The following TFCP2 variants were observed in gnomAD, a reference collection of about 807,000 sequenced individuals.
TFCP2 encodes transcription factor CP2.
In TFCP2, 33 loss-of-function variants were observed where a neutral mutation model predicts 73.4. The ratio of observed to expected loss-of-function variants is 0.45; its 90% confidence interval spans 0.34 to 0.60. The LOEUF is 0.60. Among genes scored for constraint, TFCP2 ranks in the 20% least tolerant of loss-of-function variants. The pLI is 0.01. For missense variants in TFCP2, 352 were observed against 604.0 expected (o/e 0.58, Z 4.37); for synonymous variants, 193 against 211.6 (o/e 0.91, Z 0.76).
In TFCP2 at chr12:51,149,799, C is replaced by T. The variant is rs560064898; in HGVS notation, c.122+22502G>A. Among the ~76,000 whole-genome samples, 4 of 152,184 alleles carry T rather than the reference C, an allele frequency of 2.6e-5. No homozygotes were observed. The East Asian group carries it at 5.8e-4, about 22-fold the overall frequency. On this transcript the variant is annotated intron_variant, in intron 1 of 14. Transcript: ENST00000257915. ...CATTTTTAGTAGAGACGGGGTTTCG[C>T]CATGTTGGCCAGGCTGGTCTAGAAC...
rs918223631 is a variant in TFCP2, at chr12:51,094,011, A to C, written c.*1230T>G. Reference sequence around the variant, plus strand: ...TACACACACACACACACACACACACAATCATTCTTAAGGAAGAACAAAAAC... The same window carrying C: ...TACACACACACACACACACACACACCATCATTCTTAAGGAAGAACAAAAAC... On this transcript the variant is annotated 3_prime_UTR_variant, in exon 15 of 15. Coordinates refer to ENST00000257915, the MANE Select transcript of TFCP2 (RefSeq NM_005653.5). The C allele has an allele frequency of 2.6e-5, 4 of 151,036 alleles. No individual in the cohort carries two copies. The highest frequency in any genetic ancestry group is 4.9e-5 in the African/African-American group (2 of 40,802). 9.4% of individuals were successfully genotyped at this position (151,036 alleles called of 1,614,324 possible). A position where few individuals can be genotyped will look rare whatever the true frequency, so the allele number is the denominator to read the frequency against.
At chr12:51,114,073 A>T (rs1438026211) in intron 4 of TFCP2, among the ~76,000 whole-genome samples, 1 of 152,026 alleles carries the variant, frequency 6.6e-6, no homozygotes, top group Non-Finnish European at 1.5e-5. Flanking sequence ...ACAGGGAATT[A>T]AAAAAAATTA....
intron 1 of TFCP2, among the ~76,000 whole-genome samples, chr12:51,122,351 T>A (rs1349507726): frequency 6.8e-6 from 1 of 147,226 alleles, no homozygotes; most frequent in African/African-American, 2.5e-5. Flanking sequence ...CCCTGCCTCC[T>A]GGGTTCAAGT....
intron 1 of TFCP2, among the ~76,000 whole-genome samples, chr12:51,166,343 T>C (rs2436646): frequency 0.57 from 85,348 of 150,068 alleles, 25,468 homozygotes; most frequent in Non-Finnish European, 0.67. Context: ...AAATAATAAA[T>C]AAATAAAAGT....
chr12:51,120,359 A>C (rs1001156028), intron 1 of TFCP2, among the ~76,000 whole-genome samples: 16 of 152,144 alleles, frequency 1.1e-4, no homozygotes, highest in Non-Finnish European at 1.9e-4. Context: ...ATGCTCGACA[A>C]AAAAAGCCGG....
chr12:51,147,530 G>C (rs949155520), intron 1 of TFCP2, among the ~76,000 whole-genome samples: 20 of 75,422 alleles, frequency 2.7e-4, no homozygotes, highest in Non-Finnish European at 5.2e-4. Context: ...AGGAAGAGGT[G>C]GGGGGGGAAA....
At chr12:51,126,391 A>G (rs151173310) in intron 1 of TFCP2, among the ~76,000 whole-genome samples, 10 of 152,272 alleles carry the variant, frequency 6.6e-5, no homozygotes, top group Non-Finnish European at 1.2e-4. Flanking sequence ...AACAGAAGCA[A>G]TATCAGGAGT....
chr12:51,128,481 A>T (rs76774805), intron 1 of TFCP2, among the ~76,000 whole-genome samples: 2 of 144,810 alleles, frequency 1.4e-5, no homozygotes, highest in Non-Finnish European at 1.5e-5. Context: ...ATAATAATAA[A>T]AAAAAAAAAA....
At chr12:51,137,098 TAAG>T (rs1264293576) in intron 1 of TFCP2, among the ~76,000 whole-genome samples, 2 of 152,194 alleles carry the variant, frequency 1.3e-5, no homozygotes, top group Admixed American at 6.5e-5. Context: ...TTAAGCACTT[TAAG>T]AAGTGCTTCT....
chr12:51,106,615 T>C lies in TFCP2; in HGVS notation c.829-2A>G, dbSNP rs1436045565. 6.2e-7 allele frequency: 1 copy of C among 1,612,174 alleles called. No individual in the cohort carries two copies. Among genetic ancestry groups the C allele is most frequent in the South Asian group, 1.1e-5 (1 of 90,964 alleles). On this transcript the variant is annotated splice_acceptor_variant, in intron 7 of 14. Coordinates refer to ENST00000257915, the MANE Select transcript of TFCP2 (RefSeq NM_005653.5). LOFTEE classifies it high-confidence loss of function. ...CGTGATCTCGGGCCATGGAGAACAC[T>C]AAAAACAAAGGATAAGTTAGATAAT...
At chr12:51,143,606 C>T (rs1941232374) in intron 1 of TFCP2, among the ~76,000 whole-genome samples, 1 of 151,976 alleles carries the variant, frequency 6.6e-6, no homozygotes. Context: ...CATATATAAA[C>T]TCATTTAATC....
chr12:51,137,600 C>T (rs1359031503), intron 1 of TFCP2, among the ~76,000 whole-genome samples: 1 of 152,124 alleles, frequency 6.6e-6, no homozygotes, highest in Non-Finnish European at 1.5e-5. Flanking sequence ...GAAAACATCA[C>T]CTGTGGCATC....
rs1941882356 is a variant in TFCP2 at position 51,172,469 on chromosome 12, C to T, written c.-47G>A. 4 of 1,609,900 alleles carry T rather than the reference C, an allele frequency of 2.5e-6. No homozygotes were observed. Among genetic ancestry groups the T allele is most frequent in the Admixed American group, 1.7e-5 (1 of 59,148 alleles). Reference sequence around the variant, plus strand: ...GGAGACACCGTGTCTTGTACAAAGGCGCGGAGGGTAATTCTACCCAACAGG... The same window carrying T: ...GGAGACACCGTGTCTTGTACAAAGGTGCGGAGGGTAATTCTACCCAACAGG... On this transcript the variant is annotated 5_prime_UTR_variant, in exon 1 of 15. Coordinates refer to ENST00000257915, the MANE Select transcript of TFCP2 (RefSeq NM_005653.5).
In TFCP2 at chr12:51,094,028, A is replaced by G. The variant is rs2136953075; in HGVS notation, c.*1213T>C. 1 of 152,244 alleles carries G rather than the reference A, an allele frequency of 6.6e-6. No homozygotes were observed. The highest frequency in any genetic ancestry group is 1.9e-4 in the East Asian group (1 of 5,188). 9.4% of individuals were successfully genotyped at this position (152,244 alleles called of 1,614,324 possible). A position where few individuals can be genotyped will look rare whatever the true frequency, so the allele number is the denominator to read the frequency against. On this transcript the variant is annotated 3_prime_UTR_variant, in exon 15 of 15. Transcript: ENST00000257915. ...ACACACACAATCATTCTTAAGGAAGAACAAAAACATGGTAAGAGTGTGAAC... is the reference window on the plus strand; with the variant it reads ...ACACACACAATCATTCTTAAGGAAGGACAAAAACATGGTAAGAGTGTGAAC...
intron 1 of TFCP2, among the ~76,000 whole-genome samples, chr12:51,119,934 T>C (rs1358119174): frequency 2.6e-5 from 4 of 151,878 alleles, no homozygotes; most frequent in Admixed American, 2.0e-4. Flanking sequence ...ATCCCAGCAC[T>C]TCGGGAGGCC....
At chr12:51,155,581 T>A (rs1473830408) in intron 1 of TFCP2, among the ~76,000 whole-genome samples, 2 of 152,206 alleles carry the variant, frequency 1.3e-5, no homozygotes, top group African/African-American at 2.4e-5. Context: ...GCCATCCTAA[T>A]GGGTGTGAGG....
chr12:51,154,931 T>A (rs1389851555), intron 1 of TFCP2, among the ~76,000 whole-genome samples: 3 of 152,176 alleles, frequency 2.0e-5, no homozygotes, highest in African/African-American at 7.2e-5. Flanking sequence ...GGGTAAAGCA[T>A]GATTTCTGAC....
intron 11 of TFCP2, 69 bp downstream of exon 11, chr12:51,101,866 T>C (rs994462187): frequency 3.0e-6 from 3 of 987,890 alleles, no homozygotes; most frequent in Non-Finnish European, 4.9e-6. Context: ...TAGAGTATTG[T>C]GAAGAATTCC....
At chr12:51,103,339 T>C (rs2136964006) in intron 10 of TFCP2, among the ~76,000 whole-genome samples, 1 of 152,310 alleles carries the variant, frequency 6.6e-6, no homozygotes, top group African/African-American at 2.4e-5. Flanking sequence ...AAATAAATTA[T>C]AGTGATATCA....
Sources: allele counts gnomAD v4.1 joint callset (sites outside exome capture counted in the v4.1 genomes callset), GRCh38; gene constraint gnomAD v4.1.1; transcripts MANE v1.5; gene names NCBI Gene and HGNC (gene_info 2026-07-23, HGNC 2026-07-21).